CRB2: variants seen among roughly 807,000 people sequenced by gnomAD.
CRB2 encodes the protein crumbs cell polarity complex component 2.
CRB2 carries 85 observed loss-of-function variants against 110.9 expected under a neutral mutation model. The ratio of observed to expected loss-of-function variants is 0.77; its 90% CI spans 0.64 to 0.92. The LOEUF (loss-of-function observed/expected upper bound fraction) is 0.92, where lower values mean the gene tolerates loss of function less well. CRB2 is among the 40% of genes least tolerant of loss of function. CRB2 has a pLI of 0.00. For synonymous variants in CRB2, 907 were observed against 831.0 expected (o/e 1.09, Z -1.57); for missense variants, 1,843 against 1,851.3 (o/e 1.00, Z 0.08).
At chr9:123,362,182 A>G (rs1195198691) in intron 1 of CRB2, among the ~76,000 whole-genome samples, 1 of 152,190 alleles carries the variant, frequency 6.6e-6, no homozygotes, top group African/African-American at 2.4e-5. Context: ...AGGGGTAGGA[A>G]TGAGACCAGC....
upstream of CRB2, among the ~76,000 whole-genome samples, chr9:123,354,226 G>C (rs1013070493): frequency 6.6e-6 from 1 of 152,254 alleles, no homozygotes; most frequent in Admixed American, 6.5e-5. Context: ...GACACTTCCA[G>C]GTCTGGCCAC....
rs774185017 is a variant in CRB2, at chr9:123,363,095, A to G, written c.325A>G (p.Ile109Val). ...GFQGPRCELD[I>V]DECASRPCHH... is the part of the protein sequence containing the mutation. ...CCAGGGCCCACGCTGCGAGCTGGAC[A>G]TCGATGAGTGTGCATCCCGGCCGTG... is the stretch of plus-strand genomic sequence containing the variant. The change falls in exon 2 of 13, where the codon ATC becomes GTC. Residue 109 changes from isoleucine to valine, a missense_variant. Physicochemically the swap from Ile to Val is conservative, Grantham distance 29. Transcript: ENST00000373631. 1 of 1,611,636 alleles carries G rather than the reference A, an allele frequency of 6.2e-7. No individual in the cohort carries two copies. Among genetic ancestry groups the G allele is most frequent in the Non-Finnish European group, 8.5e-7 (1 of 1,179,964 alleles).
In CRB2 at chr9:123,366,487, G is replaced by A. The variant is rs113517283; in HGVS notation, c.754+121G>A. 6.4e-4 allele frequency: 784 copies of A among 1,217,806 alleles called. 8 individuals are homozygous for A. The African/African-American group carries it at 0.011, about 18-fold the overall frequency. 75.4% of individuals were successfully genotyped at this position (1,217,806 alleles called of 1,614,324 possible). ...TGCCCGCTGGGTCCTCGGGACCAGA[G>A]TGTGTGTGTGATTGCAACCTGTCGG... On this transcript the variant is annotated intron_variant, in intron 4 of 12. Coordinates refer to ENST00000373631, the MANE Select transcript of CRB2 (RefSeq NM_173689.7).
intron 1 of CRB2, among the ~76,000 whole-genome samples, chr9:123,357,501 G>T (rs941764066): frequency 2.0e-5 from 3 of 152,062 alleles, no homozygotes; most frequent in Non-Finnish European, 4.4e-5. Context: ...CTCTCTATGG[G>T]GCCCTAGGGA....
chr9:123,373,899 G>T lies in CRB2; in HGVS notation c.3368G>T (p.Gly1123Val), dbSNP rs1448144543. Residue 1123 changes from glycine to valine, a missense_variant, in exon 10 of 13, where the codon GGC becomes GTC. Coordinates refer to ENST00000373631, the MANE Select transcript of CRB2 (RefSeq NM_173689.7). ...DGRFECRCPP[G>V]FGGPRCRLPV... ...CGCTTCGAGTGCCGCTGCCCGCCTG[G>T]CTTCGGGGGCCCGCGCTGCAGGTGG... 3 of 1,549,250 alleles carry T rather than the reference G, an allele frequency of 1.9e-6. No individual in the cohort carries two copies. Among genetic ancestry groups the T allele is most frequent in the Non-Finnish European group, 1.7e-6 (2 of 1,148,756 alleles).
In CRB2 at chr9:123,373,695, G is replaced by A. The variant is rs1283832349; in HGVS notation, c.3164G>A (p.Arg1055His). ...ACGCCGGCCCCGATCCTCGGCTGCC[G>A]CGGCGCGCCCGTGTGTGCGCCCTCG... Reference protein sequence around the residue: ...PGTPAPILGCRGAPVCAPSPC... With the variant: ...PGTPAPILGCHGAPVCAPSPC... The change falls in exon 10 of 13, where the codon CGC (arginine) becomes CAC (histidine). Residue 1055 changes from arginine (R) to histidine (H), a missense_variant. Transcript: ENST00000373631. The A allele has an allele frequency of 2.7e-6, 4 of 1,485,456 alleles. No homozygotes were observed. The highest frequency in any genetic ancestry group is 2.7e-6 in the Non-Finnish European group (3 of 1,129,258). 92.0% of individuals were successfully genotyped at this position (1,485,456 alleles called of 1,614,324 possible).
At chr9:123,367,415 G>A in intron 5 of CRB2, 58 bp downstream of exon 5, 1 of 1,389,976 alleles carries the variant, frequency 7.2e-7, no homozygotes, top group Non-Finnish European at 9.6e-7. Flanking sequence ...GAGGGATCTT[G>A]TGCCCACCCC....
At chr9:123,356,935 C>G (rs2041807228) in intron 1 of CRB2, among the ~76,000 whole-genome samples, 1 of 152,018 alleles carries the variant, frequency 6.6e-6, no homozygotes, top group Non-Finnish European at 1.5e-5. Context: ...GGTCTTTGCT[C>G]TCAACATGAG....
intron 6 of CRB2, 75 bp from the exon 7 acceptor site, chr9:123,370,033 G>A: frequency 6.7e-7 from 1 of 1,485,998 alleles, no homozygotes; most frequent in Non-Finnish European, 9.0e-7. Flanking sequence ...CATCATAAGA[G>A]GCATGTAAGT....
chr9:123,371,748 A>T (rs2042019755), intron 8 of CRB2, among the ~76,000 whole-genome samples, 170 bp downstream of exon 8: 1 of 152,076 alleles, frequency 6.6e-6, no homozygotes, highest in South Asian at 2.1e-4. Context: ...GCAGATTTAC[A>T]TCTGTCTCTT....
At chr9:123,370,031 G>A (rs534985945) in intron 6 of CRB2, 77 bp from the exon 7 acceptor site, 334 of 1,483,538 alleles carry the variant, frequency 2.3e-4, no homozygotes, top group Middle Eastern at 1.6e-3. Context: ...CCCATCATAA[G>A]AGGCATGTAA....
rs1564382635 is a variant in CRB2, at chr9:123,378,692, A to C, written c.*1630A>C. The C allele has an allele frequency of 6.6e-6, 1 of 151,272 alleles. No individual in the cohort carries two copies. The highest frequency in any genetic ancestry group is 1.5e-5 in the Non-Finnish European group (1 of 67,912). The allele number at this position is 151,272 out of a possible 1,614,324, so 9.4% of individuals were successfully genotyped here. A position where few individuals can be genotyped will look rare whatever the true frequency, so the allele number is the denominator to read the frequency against. On this transcript the variant is annotated 3_prime_UTR_variant, in exon 13 of 13. Transcript: ENST00000373631. The stretch of plus-strand genomic sequence containing the variant: ...GTTTACTAAGTTAGAGATTTGGAAA[A>C]CCTGTGTCAGCTGTAACTCCTAGGA...
intron 4 of CRB2, 67 bp from the exon 5 acceptor site, chr9:123,367,105 G>A: frequency 1.4e-6 from 2 of 1,473,460 alleles, no homozygotes; most frequent in Admixed American, 2.4e-5. Context: ...TCGCTAGCCT[G>A]GTCATAGTGA....
chr9:123,379,689 A>T (rs1251002805), downstream of CRB2: 2 of 152,258 alleles, frequency 1.3e-5, no homozygotes, highest in African/African-American at 4.8e-5. Context: ...AATGCACACA[A>T]AGTTCATCCT....
At chr9:123,374,509 A>G in intron 10 of CRB2, 70 bp from the exon 11 acceptor site, 3 of 1,134,728 alleles carry the variant, frequency 2.6e-6, no homozygotes, top group Non-Finnish European at 3.9e-6. Context: ...CAGGTGGCCC[A>G]CGGTCACAGC....
intron 10 of CRB2, 56 bp from the exon 11 acceptor site, chr9:123,374,523 G>A: frequency 7.6e-7 from 1 of 1,308,294 alleles, no homozygotes; most frequent in Non-Finnish European, 1.1e-6. Flanking sequence ...TCACAGCGCT[G>A]GGGAGGGCAG....
chr9:123,375,593 C>T (rs1406812204), intron 12 of CRB2, among the ~76,000 whole-genome samples: 2 of 152,190 alleles, frequency 1.3e-5, no homozygotes, highest in African/African-American at 2.4e-5. Context: ...CAGCGGCTTC[C>T]TCAGAGTGCC....
At chr9:123,355,443 G>A (rs117087035), upstream of CRB2, among the ~76,000 whole-genome samples, 470 of 151,966 alleles carry the variant, frequency 3.1e-3, 2 homozygotes, top group Non-Finnish European at 5.5e-3. Flanking sequence ...AGAAAGCTGG[G>A]AAAGGTTCAG....
Position 123,373,805 on chromosome 9 carries a change from G to A in CRB2, c.3274G>A (p.Glu1092Lys), listed in dbSNP as rs542637649. Reference sequence around the variant, plus strand: ...CCCGGGGTGGGAAGGCCCGCGCTGCGAAGCCCACGTCGACCCCTGTCACTC... The same window carrying A: ...CCCGGGGTGGGAAGGCCCGCGCTGCAAAGCCCACGTCGACCCCTGTCACTC... The part of the protein sequence containing the change: ...CGPGWEGPRC[E>K]AHVDPCHSAP... Residue 1092 changes from glutamate to lysine, a missense_variant, in exon 10 of 13, where the codon GAA becomes AAA. Physicochemically the swap from Glu to Lys is moderately conservative, Grantham distance 56. Coordinates refer to ENST00000373631, the MANE Select transcript of CRB2 (RefSeq NM_173689.7). 81 of 1,588,956 alleles carry A rather than the reference G, an allele frequency of 5.1e-5. No homozygotes were observed. The highest frequency in any genetic ancestry group is 6.6e-5 in the Non-Finnish European group (77 of 1,175,538).
Sources: gnomAD v4.1 joint callset for allele counts (sites outside exome capture counted in the v4.1 genomes callset) on GRCh38, gnomAD v4.1.1 for gene constraint, MANE v1.5 for transcripts, NCBI Gene and HGNC (gene_info 2026-07-23, HGNC 2026-07-21) for gene names.